Variants in PDE4A observed in about 807,000 individuals in gnomAD.
PDE4A encodes the protein phosphodiesterase 4A, also known as 3',5'-cyclic-AMP phosphodiesterase 4A.
PDE4A carries 21 observed loss-of-function variants against 73.9 expected under a neutral mutation model. The ratio of observed to expected loss-of-function variants is 0.28; its 90% confidence interval spans 0.20 to 0.41. The LOEUF is 0.41. Among genes scored for constraint, PDE4A ranks in the 10% least tolerant of loss-of-function variants. The pLI is 1.00. For synonymous variants in PDE4A, 463 were observed against 505.4 expected (o/e 0.92, Z 1.13); for missense variants, 958 against 1,211.4 (o/e 0.79, Z 3.10).
intron 1 of PDE4A, among the ~76,000 whole-genome samples, chr19:10,440,655 A>G (rs145005809): frequency 1.2e-4 from 18 of 151,936 alleles, no homozygotes; most frequent in African/African-American, 4.1e-4. Flanking sequence ...CTGAAGTGCA[A>G]TGTCGCGATC....
At chr19:10,419,835 A>G (rs2042626310), upstream of PDE4A, among the ~76,000 whole-genome samples, 2 of 152,190 alleles carry the variant, frequency 1.3e-5, no homozygotes, top group Non-Finnish European at 2.9e-5. Flanking sequence ...AAAAAAGACC[A>G]CGTAGGGATG....
chr19:10,454,411 G>GC (rs1192613706), intron 6 of PDE4A, among the ~76,000 whole-genome samples: 1 of 152,222 alleles, frequency 6.6e-6, no homozygotes, highest in East Asian at 1.9e-4. Context: ...CCTCCGGCTT[G>GC]CCCCCCTTTT....
At position 10,465,323 on chromosome 19, in the gene PDE4A, C is replaced by T. The variant is rs190525684; in HGVS notation, c.1926+1348C>T. Among the ~76,000 whole-genome samples the T allele has an allele frequency of 1.3e-4, 19 of 151,970 alleles. No homozygotes were observed. In the East Asian group the frequency reaches 2.9e-3, roughly 23 times the overall value. On this transcript the variant is annotated intron_variant, in intron 14 of 14. Transcript: ENST00000380702. ...GCAACCTCCGCCTCTCGGGTTCAAG[C>T]GATTCTCCTGCCTCAGCCTCCCGAG...
chr19:10,453,759 G>T lies in PDE4A; in HGVS notation c.784-1070G>T, dbSNP rs2043130338. ...GACCGCCTTATTTTGCATGCCCTTT[G>T]ATCTGTGTGTCTGGGCTGTGTGACG... is the stretch of plus-strand genomic sequence containing the variant. On this transcript the variant is annotated intron_variant, in intron 6 of 14. Coordinates refer to ENST00000380702, the MANE Select transcript of PDE4A (RefSeq NM_001111307.2). The surrounding 1 kb of genome is among the most constrained non-coding windows in gnomAD (Gnocchi z 4.6). Among the ~76,000 whole-genome samples, 1 of 152,094 alleles carries T rather than the reference G, an allele frequency of 6.6e-6. No individual in the cohort carries two copies. Among genetic ancestry groups the T allele is most frequent in the Non-Finnish European group, 1.5e-5 (1 of 68,012 alleles).
chr19:10,453,005 C>A lies in PDE4A; in HGVS notation c.784-1824C>A. ...TTGCCCTGCCCCCCTCCCATGGGCA[C>A]GGACCCCCCACCGCCTCCACCCACT... On this transcript the variant is annotated intron_variant, in intron 6 of 14. Transcript: ENST00000380702. The surrounding 1 kb of genome is among the most constrained non-coding windows in gnomAD (Gnocchi z 4.6). 1 of 1,296,370 alleles carries A rather than the reference C, an allele frequency of 7.7e-7. No homozygotes were observed. Among genetic ancestry groups the A allele is most frequent in the Non-Finnish European group, 9.8e-7 (1 of 1,019,738 alleles). The allele number at this position is 1,296,370 out of a possible 1,614,324, so 80.3% of individuals were successfully genotyped here.
Position 10,449,157 on chromosome 19 carries a change from G to C in PDE4A, c.620+7G>C. 1 of 1,612,938 alleles carries C rather than the reference G, an allele frequency of 6.2e-7. No homozygotes were observed. The highest frequency in any genetic ancestry group is 1.6e-4 in the Middle Eastern group (1 of 6,062). On this transcript the variant is annotated splice_region_variant and intron_variant, in intron 4 of 14. Transcript: ENST00000380702. ...TGCCCGTTCCCAGTAACAAGTAAGTGAAGGCTGGGCTGCAACAGCTGTGAT... is the reference window on the plus strand; with the variant it reads ...TGCCCGTTCCCAGTAACAAGTAAGTCAAGGCTGGGCTGCAACAGCTGTGAT...
chr19:10,457,101 G>A (rs1165950154), intron 7 of PDE4A, among the ~76,000 whole-genome samples: 5 of 152,170 alleles, frequency 3.3e-5, no homozygotes, highest in Non-Finnish European at 5.9e-5. Flanking sequence ...GGGAGGCTGA[G>A]GTAGGAAAAT....
chr19:10,435,547 C>G (rs2042853630), intron 1 of PDE4A, among the ~76,000 whole-genome samples: 1 of 149,200 alleles, frequency 6.7e-6, no homozygotes, highest in Admixed American at 6.8e-5. Context: ...GGTGACAGAG[C>G]AAGACCCTGT....
Position 10,453,672 on chromosome 19 carries a change from G to A in PDE4A, c.784-1157G>A, listed in dbSNP as rs748557777. Among the ~76,000 whole-genome samples the A allele has an allele frequency of 2.6e-5, 4 of 152,098 alleles. No individual in the cohort carries two copies. The highest frequency in any genetic ancestry group is 4.8e-5 in the African/African-American group (2 of 41,398). ...GCTCTGACCATGGTGTTGTGTGTTGGGTTGTGTGTCTGAGCCCAGAGCTGC... is the reference window on the plus strand; with the variant it reads ...GCTCTGACCATGGTGTTGTGTGTTGAGTTGTGTGTCTGAGCCCAGAGCTGC... On this transcript the variant is annotated intron_variant, in intron 6 of 14. Coordinates refer to ENST00000380702, the MANE Select transcript of PDE4A (RefSeq NM_001111307.2). The surrounding 1 kb of genome is among the most constrained non-coding windows in gnomAD (Gnocchi z 4.6).
chr19:10,420,716 T>C lies in PDE4A; in HGVS notation c.-49T>C. On this transcript the variant is annotated 5_prime_UTR_variant, in exon 1 of 15. Coordinates refer to ENST00000380702, the MANE Select transcript of PDE4A (RefSeq NM_001111307.2). The surrounding 1 kb of genome is among the most constrained non-coding windows in gnomAD (Gnocchi z 6.0). The stretch of plus-strand genomic sequence containing the variant: ...GGCTTGCGCGCAGCTGAGCGGGGTG[T>C]AGGTTGGAAGGGCCAGGGCCCCCTG... 6.9e-7 allele frequency: 1 copy of C among 1,443,642 alleles called. No individual in the cohort carries two copies. Among genetic ancestry groups the C allele is most frequent in the Non-Finnish European group, 9.0e-7 (1 of 1,110,932 alleles). 89.4% of individuals were successfully genotyped at this position (1,443,642 alleles called of 1,614,324 possible).
chr19:10,438,406 T>G (rs1229609922), intron 1 of PDE4A, among the ~76,000 whole-genome samples: 3 of 151,644 alleles, frequency 2.0e-5, no homozygotes, highest in Non-Finnish European at 4.4e-5. Context: ...CCACCACACC[T>G]GGCCAGGACT....
chr19:10,453,423 G>A lies in PDE4A; in HGVS notation c.784-1406G>A. On this transcript the variant is annotated intron_variant, in intron 6 of 14. Coordinates refer to ENST00000380702, the MANE Select transcript of PDE4A (RefSeq NM_001111307.2). The surrounding 1 kb of genome is among the most constrained non-coding windows in gnomAD (Gnocchi z 4.6). Reference sequence around the variant, plus strand: ...GTGCAGCTGTGCACGTGTGTGGCCTGGAGATGAAGCCTTGTGACTGTCTCT... The same window carrying A: ...GTGCAGCTGTGCACGTGTGTGGCCTAGAGATGAAGCCTTGTGACTGTCTCT... 7.0e-7 allele frequency: 1 copy of A among 1,419,074 alleles called. No individual in the cohort carries two copies. The allele number at this position is 1,419,074 out of a possible 1,614,324, so 87.9% of individuals were successfully genotyped here.
chr19:10,443,274 G>A (rs1218305684), intron 1 of PDE4A, among the ~76,000 whole-genome samples: 1 of 152,056 alleles, frequency 6.6e-6, no homozygotes, highest in African/African-American at 2.4e-5. Flanking sequence ...TAATCCCAGT[G>A]TTTTGGGAGC....
intron 1 of PDE4A, among the ~76,000 whole-genome samples, chr19:10,425,053 G>A (rs2042700039): frequency 1.3e-5 from 2 of 152,026 alleles, no homozygotes; most frequent in African/African-American, 2.4e-5. Context: ...GTGAAACCCC[G>A]TTTCTACTAA....
At chr19:10,454,439 G>A (rs1311729412) in intron 6 of PDE4A, among the ~76,000 whole-genome samples, 7 of 152,210 alleles carry the variant, frequency 4.6e-5, no homozygotes, top group Admixed American at 4.6e-4. Context: ...TCAGCAGCTG[G>A]TTGGAGGGGG....
intron 1 of PDE4A, among the ~76,000 whole-genome samples, chr19:10,429,370 G>T (rs766358054): frequency 6.6e-6 from 1 of 151,914 alleles, no homozygotes; most frequent in Non-Finnish European, 1.5e-5. Flanking sequence ...GTGAGACAGG[G>T]TCTCACTGTC....
At chr19:10,430,940 G>C in intron 1 of PDE4A, 6 of 1,522,090 alleles carry the variant, frequency 3.9e-6, no homozygotes, top group South Asian at 1.2e-5. Flanking sequence ...TCCTGCCCGA[G>C]CCCCTGGCCC....
Position 10,461,050 on chromosome 19 carries a change from C to T in PDE4A, c.1412C>T (p.Ala471Val). The change falls in exon 11 of 15, where the codon GCC becomes GTC. Residue 471 changes from alanine to valine, a missense_variant. By Grantham distance (64) the Ala-to-Val change is moderately conservative (BLOSUM62 0). Around this residue, in one of 3 missense-constraint regions of PDE4A, gnomAD observed 570 missense variants for 827.7 expected, o/e 0.69. Transcript: ENST00000380702. ...ATTCTCGCCGCCCTCTTCGCGGCTGCCATCCACGATGTGGATCACCCTGGG... is the reference window on the plus strand; with the variant it reads ...ATTCTCGCCGCCCTCTTCGCGGCTGTCATCCACGATGTGGATCACCCTGGG... ...LEILAALFAA[A>V]IHDVDHPGVS... 6.2e-7 allele frequency: 1 copy of T among 1,613,572 alleles called. No individual in the cohort carries two copies. Among genetic ancestry groups the T allele is most frequent in the East Asian group, 2.2e-5 (1 of 44,864 alleles).
At chr19:10,417,950 A>C, upstream of PDE4A, 1 of 1,424,908 alleles carries the variant, frequency 7.0e-7, no homozygotes, top group South Asian at 1.3e-5. Flanking sequence ...GCCCTTCCCG[A>C]TCTCCATGCT....
Sources: gnomAD v4.1 joint callset for allele counts (sites outside exome capture counted in the v4.1 genomes callset) on GRCh38, gnomAD v4.1.1 for gene constraint, gnomAD v4.1.1 regional missense constraint, Gnocchi (gnomAD v3.1) non-coding constraint, MANE v1.5 for transcripts, NCBI Gene and HGNC (gene_info 2026-07-23, HGNC 2026-07-21) for gene names.